The following STK32B variants were observed in gnomAD, a reference collection of about 807,000 sequenced individuals.
The protein encoded by STK32B is serine/threonine-protein kinase 32B.
In STK32B, 43 loss-of-function variants were observed where a neutral mutation model predicts 52.6. That is an observed-to-expected ratio of 0.82 (90% CI 0.64 to 1.05). STK32B has a LOEUF of 1.05. STK32B is among the 50% of genes least tolerant of loss of function. The pLI is 0.00. For missense variants in STK32B, 621 were observed against 534.6 expected (o/e 1.16, Z -1.59); for synonymous variants, 238 against 204.3 (o/e 1.17, Z -1.41).
In STK32B at chr4:5,342,372, A is replaced by G. The variant is rs146937530; in HGVS notation, c.434+10979A>G. 3.5e-3 allele frequency among the ~76,000 whole-genome samples: 527 copies of G among 152,314 alleles called. 4 individuals carry two copies. Among genetic ancestry groups the G allele is most frequent in the Middle Eastern group, 0.027 (8 of 294 alleles). ...ACACCATGGAATACTATGCAGCCAT[A>G]AAAAAGGATGAGTTCATGTCCTTTG... On this transcript the variant is annotated intron_variant, in intron 4 of 11. Transcript: ENST00000282908.
intron 1 of STK32B, among the ~76,000 whole-genome samples, chr4:5,073,573 C>G (rs897885824): frequency 6.6e-6 from 1 of 151,920 alleles, no homozygotes; most frequent in African/African-American, 2.4e-5. Context: ...TTCCAGTGCT[C>G]TTAATTACTT....
At chr4:5,195,550 A>T (rs1721578302) in intron 3 of STK32B, among the ~76,000 whole-genome samples, 1 of 152,094 alleles carries the variant, frequency 6.6e-6, no homozygotes, top group Non-Finnish European at 1.5e-5. Context: ...AAAATTACCC[A>T]AGCATGGTGG....
intron 2 of STK32B, among the ~76,000 whole-genome samples, chr4:5,159,474 A>T (rs1718145656): frequency 7.0e-6 from 1 of 143,016 alleles, no homozygotes; most frequent in African/African-American, 2.7e-5. Context: ...ACACACACAC[A>T]TATATATGAA....
intron 3 of STK32B, among the ~76,000 whole-genome samples, chr4:5,176,745 T>C (rs1560200107): frequency 2.0e-5 from 3 of 152,158 alleles, no homozygotes; most frequent in African/African-American, 7.2e-5. Flanking sequence ...TGCCCAGCCT[T>C]AGGCACCATT....
intron 3 of STK32B, among the ~76,000 whole-genome samples, chr4:5,172,492 T>G (rs372411503): frequency 0.18 from 27,885 of 151,114 alleles, 3,205 homozygotes; most frequent in East Asian, 0.3. Context: ...CATCAATACC[T>G]AATTTATTGA....
chr4:5,392,135 T>C (rs953169263), intron 4 of STK32B, among the ~76,000 whole-genome samples: 1 of 152,224 alleles, frequency 6.6e-6, no homozygotes, highest in African/African-American at 2.4e-5. Context: ...AATAACATAA[T>C]TTTTTAAAAT....
intron 4 of STK32B, among the ~76,000 whole-genome samples, chr4:5,336,748 A>G (rs976389781): frequency 6.6e-6 from 1 of 152,222 alleles, no homozygotes; most frequent in African/African-American, 2.4e-5. Context: ...AACACAAGAA[A>G]CAATAAAGAG....
rs144757555 is a variant in STK32B, at chr4:5,167,702, G to A, written c.109-597G>A. 7.2e-4 allele frequency among the ~76,000 whole-genome samples: 109 copies of A among 152,354 alleles called. No individual in the cohort carries two copies. In the East Asian group the frequency reaches 0.019, roughly 26 times the overall value. On this transcript the variant is annotated intron_variant, in intron 2 of 11. Transcript: ENST00000282908. ...CATCCCAGGTGACGGGCAAGGGAGTGGGGGTACTGATACTCCCGTTTCTAA... is the reference window on the plus strand; with the variant it reads ...CATCCCAGGTGACGGGCAAGGGAGTAGGGGTACTGATACTCCCGTTTCTAA...
At position 5,166,436 on chromosome 4, in the gene STK32B, G is replaced by T. The variant is rs187525782; in HGVS notation, c.109-1863G>T. On this transcript the variant is annotated intron_variant, in intron 2 of 11. Transcript: ENST00000282908. ...GAACCTCAGAATGTGGCCTTCTTTG[G>T]AAATGGCGTCATTTTAAGTGTAATT... Among the ~76,000 whole-genome samples, 2 of 149,660 alleles carry T rather than the reference G, an allele frequency of 1.3e-5. 1 individual carries two copies. Among genetic ancestry groups the T allele is most frequent in the East Asian group, 3.9e-4 (2 of 5,086 alleles).
chr4:5,070,739 C>G (rs10018212), intron 1 of STK32B, among the ~76,000 whole-genome samples: 8,224 of 152,258 alleles, frequency 0.054, 356 homozygotes, highest in South Asian at 0.16. Context: ...CAGCATCGCT[C>G]TCTTTCTGTG....
chr4:5,493,217 T>G (rs1447360906), intron 11 of STK32B, among the ~76,000 whole-genome samples: 1 of 152,136 alleles, frequency 6.6e-6, no homozygotes, highest in Non-Finnish European at 1.5e-5. Context: ...CCTGGACTCT[T>G]TTTTCTTGGT....
In STK32B at chr4:5,386,019, TCA is replaced by T. The variant is rs1310393489; in HGVS notation, c.435-12185_435-12184del. Among the ~76,000 whole-genome samples the T allele has an allele frequency of 1.9e-5, 1 of 51,958 alleles. No individual in the cohort carries two copies. The highest frequency in any genetic ancestry group is 7.3e-5 in the African/African-American group (1 of 13,656). 34.1% of individuals were successfully genotyped at this position (51,958 alleles called of 152,430 possible). On this transcript the variant is annotated intron_variant, in intron 4 of 11. Transcript: ENST00000282908. This position sits in a 1 kb window ranked among gnomAD's most constrained non-coding sequence, Gnocchi z 4.5. ...CCCATGGCCCCACCCACGGCTCCAC[TCA>T]CAGCCCCTACCCAGAGCCCCCACCC...
At chr4:5,212,560 C>G (rs1489694772) in intron 3 of STK32B, among the ~76,000 whole-genome samples, 2 of 152,362 alleles carry the variant, frequency 1.3e-5, no homozygotes, top group South Asian at 4.1e-4. Context: ...TCAAAGCAAA[C>G]TGGCACCTCG....
chr4:5,487,691 C>T (rs1560455948), intron 11 of STK32B, among the ~76,000 whole-genome samples: 1 of 152,166 alleles, frequency 6.6e-6, no homozygotes, highest in Non-Finnish European at 1.5e-5. Context: ...ATGTGAATTA[C>T]AGCATTATCC....
chr4:5,352,449 A>G (rs1232338940), intron 4 of STK32B, among the ~76,000 whole-genome samples: 1 of 152,016 alleles, frequency 6.6e-6, no homozygotes, highest in East Asian at 1.9e-4. Flanking sequence ...ATCCCTCAAC[A>G]AAATAAAGGC....
At position 5,460,441 on chromosome 4, in the gene STK32B, G is replaced by A. The variant is rs986389026; in HGVS notation, c.909+213G>A. ...TTCCCTCCTTGTGGTAGGTCCTTTG[G>A]GGGTGCCAAGCCTTCTCTCTGTCAC... On this transcript the variant is annotated intron_variant, in intron 9 of 11. Coordinates refer to ENST00000282908, the MANE Select transcript of STK32B (RefSeq NM_018401.3). This position sits in a 1 kb window ranked among gnomAD's most constrained non-coding sequence, Gnocchi z 4.8. Among the ~76,000 whole-genome samples, 6 of 152,298 alleles carry A rather than the reference G, an allele frequency of 3.9e-5. No individual in the cohort carries two copies. Among genetic ancestry groups the A allele is most frequent in the Admixed American group, 3.3e-4 (5 of 15,294 alleles).
intron 5 of STK32B, among the ~76,000 whole-genome samples, chr4:5,412,799 A>T (rs1316142956): frequency 1.3e-5 from 2 of 152,140 alleles, no homozygotes; most frequent in Admixed American, 6.5e-5. Context: ...CCCCCTCTTT[A>T]TGAGTTTCCC....
chr4:5,224,474 A>G (rs1211393619), intron 3 of STK32B, among the ~76,000 whole-genome samples: 2 of 152,216 alleles, frequency 1.3e-5, no homozygotes, highest in South Asian at 2.1e-4. Flanking sequence ...TTGTAGCCCA[A>G]TCAAGGATCC....
At chr4:5,235,782 C>T (rs16836929) in intron 3 of STK32B, among the ~76,000 whole-genome samples, 65,324 of 152,018 alleles carry the variant, frequency 0.43, 14,091 homozygotes, top group Admixed American at 0.48. Flanking sequence ...AGGCTAATAA[C>T]GCTTAACAAG....
Sources: allele counts gnomAD v4.1 joint callset (sites outside exome capture counted in the v4.1 genomes callset), GRCh38; gene constraint gnomAD v4.1.1; non-coding constraint Gnocchi (gnomAD v3.1); transcripts MANE v1.5; gene names NCBI Gene and HGNC (gene_info 2026-07-23, HGNC 2026-07-21).